The following MAN2A1 variants were observed in gnomAD, a reference collection of about 807,000 sequenced individuals.
MAN2A1 encodes the protein mannosidase alpha class 2A member 1.
In MAN2A1, 76 loss-of-function variants were observed where a neutral mutation model predicts 142.6. The ratio of observed to expected loss-of-function variants is 0.53; its 90% CI spans 0.44 to 0.65. The LOEUF (loss-of-function observed/expected upper bound fraction) is 0.65. Ranked by LOEUF, MAN2A1 falls within the 30% of genes least tolerant of loss-of-function variation. MAN2A1 has a pLI of 0.00. For synonymous variants in MAN2A1, 559 were observed against 473.2 expected, an observed-to-expected ratio of 1.18 and a Z score of -2.35; for missense variants, 1,311 against 1,365.1, an observed-to-expected ratio of 0.96 and a Z score of 0.62.
rs561654608 is a variant in MAN2A1, at chr5:109,832,458, A to C, written c.2566+8621A>C. On this transcript the variant is annotated intron_variant, in intron 16 of 21. Coordinates refer to ENST00000261483, the MANE Select transcript of MAN2A1 (RefSeq NM_002372.4). ...TTAATCCATTTAACCCTGAGTGGAC[A>C]CAGCACATGTTTCAGAGAGCAAGGG... 6.4e-3 allele frequency among the ~76,000 whole-genome samples: 970 copies of C among 152,242 alleles called. 12 individuals carry two copies. Among genetic ancestry groups the C allele is most frequent in the Non-Finnish European group, 8.0e-3 (543 of 68,008 alleles).
intron 1 of MAN2A1, among the ~76,000 whole-genome samples, chr5:109,694,258 G>C (rs1177505946): frequency 6.6e-6 from 1 of 152,172 alleles, no homozygotes; most frequent in Non-Finnish European, 1.5e-5. Flanking sequence ...TTTTGCCTAT[G>C]TAACATTTAT....
chr5:109,867,936 C>T lies in MAN2A1; in HGVS notation c.*938C>T, dbSNP rs1344527547. ...GAGAGGGTGGGTACTTTCTATGACACATAAATTGTGTAATTTTTGCCTGAC... is the reference window on the plus strand; with the variant it reads ...GAGAGGGTGGGTACTTTCTATGACATATAAATTGTGTAATTTTTGCCTGAC... On this transcript the variant is annotated 3_prime_UTR_variant, in exon 22 of 22. Transcript: ENST00000261483. The T allele has an allele frequency of 6.6e-6, 1 of 152,082 alleles. No individual in the cohort carries two copies. Among genetic ancestry groups the T allele is most frequent in the Non-Finnish European group, 1.5e-5 (1 of 68,000 alleles). 9.4% of individuals were successfully genotyped at this position (152,082 alleles called of 1,614,324 possible).
intron 8 of MAN2A1, among the ~76,000 whole-genome samples, chr5:109,777,201 T>G (rs1753317579): frequency 6.6e-6 from 1 of 152,170 alleles, no homozygotes; most frequent in African/African-American, 2.4e-5. Flanking sequence ...AATTGTGTTG[T>G]ACAAGAGGTT....
At chr5:109,758,808 A>G (rs1018730816) in intron 5 of MAN2A1, among the ~76,000 whole-genome samples, 7 of 151,396 alleles carry the variant, frequency 4.6e-5, no homozygotes, top group Admixed American at 1.3e-4. Flanking sequence ...TTTTTTTTGC[A>G]TGTTGATACC....
At chr5:109,805,477 T>G (rs1754140976) in intron 12 of MAN2A1, among the ~76,000 whole-genome samples, 1 of 152,234 alleles carries the variant, frequency 6.6e-6, no homozygotes. Context: ...AGTTTTAAGT[T>G]GCATTTGCAA....
At chr5:109,800,693 C>A (rs142558057) in intron 12 of MAN2A1, among the ~76,000 whole-genome samples, 15 of 152,166 alleles carry the variant, frequency 9.9e-5, no homozygotes, top group Middle Eastern at 3.4e-3. Context: ...CTGGTAAATT[C>A]TGGGATTTTA....
chr5:109,734,892 T>G (rs1233278682), intron 4 of MAN2A1, among the ~76,000 whole-genome samples: 2 of 152,228 alleles, frequency 1.3e-5, no homozygotes, highest in African/African-American at 2.4e-5. Context: ...TAGGTCCACT[T>G]GGTGCAGAGC....
chr5:109,726,355 T>A (rs1007508014), intron 3 of MAN2A1, among the ~76,000 whole-genome samples: 3 of 152,216 alleles, frequency 2.0e-5, no homozygotes, highest in African/African-American at 7.2e-5. Flanking sequence ...AATACTTGAT[T>A]ACTCTGTTGT....
At chr5:109,774,514 C>T (rs1172223579) in intron 7 of MAN2A1, among the ~76,000 whole-genome samples, 1 of 151,798 alleles carries the variant, frequency 6.6e-6, no homozygotes, top group African/African-American at 2.4e-5. Context: ...GGTACATGAC[C>T]ATATTTCTCC....
At chr5:109,732,510 T>G (rs983460849) in intron 4 of MAN2A1, among the ~76,000 whole-genome samples, 11 of 152,328 alleles carry the variant, frequency 7.2e-5, no homozygotes, top group Non-Finnish European at 1.3e-4. Context: ...AACGTTTAAG[T>G]CTTTAATCCA....
At chr5:109,766,618 G>T (rs1258938594) in intron 5 of MAN2A1, among the ~76,000 whole-genome samples, 1 of 152,012 alleles carries the variant, frequency 6.6e-6, no homozygotes, top group East Asian at 1.9e-4. Context: ...CTAGAGTCAA[G>T]ATCTAATTTA....
chr5:109,735,365 T>C (rs916304939), intron 4 of MAN2A1, among the ~76,000 whole-genome samples: 2 of 152,166 alleles, frequency 1.3e-5, no homozygotes, highest in African/African-American at 4.8e-5. Flanking sequence ...GCATTTAGTC[T>C]ATTTACATTT....
chr5:109,746,501 CAT>C (rs1561490836), intron 4 of MAN2A1, among the ~76,000 whole-genome samples: 2 of 150,404 alleles, frequency 1.3e-5, no homozygotes, highest in African/African-American at 4.9e-5. Context: ...TATGGGAAAA[CAT>C]ATGCACATGT....
intron 4 of MAN2A1, among the ~76,000 whole-genome samples, chr5:109,735,791 A>G (rs1482464763): frequency 6.6e-6 from 1 of 152,164 alleles, no homozygotes; most frequent in East Asian, 1.9e-4. Flanking sequence ...TCCATCAAAA[A>G]AGTAATCTTT....
intron 1 of MAN2A1, chr5:109,699,892 T>C (rs1199600994): frequency 6.6e-6 from 1 of 152,256 alleles, no homozygotes; most frequent in Non-Finnish European, 1.5e-5. Context: ...TACATAGTGT[T>C]TTCAATTTTA....
At chr5:109,745,680 A>G (rs1342937530) in intron 4 of MAN2A1, among the ~76,000 whole-genome samples, 2 of 152,256 alleles carry the variant, frequency 1.3e-5, no homozygotes, top group Non-Finnish European at 2.9e-5. Context: ...GTGCAGTGGT[A>G]CTATCATAGC....
intron 6 of MAN2A1, among the ~76,000 whole-genome samples, chr5:109,768,894 T>C (rs534298695): frequency 6.6e-6 from 1 of 152,262 alleles, no homozygotes; most frequent in South Asian, 2.1e-4. Context: ...TAAATATCAG[T>C]TAGTATGAAA....
intron 19 of MAN2A1, among the ~76,000 whole-genome samples, chr5:109,851,167 CAG>C (rs1487835436): frequency 1.3e-5 from 2 of 152,172 alleles, no homozygotes; most frequent in Non-Finnish European, 2.9e-5. Context: ...GAGAATTCTG[CAG>C]AGAGTCAGTA....
intron 8 of MAN2A1, among the ~76,000 whole-genome samples, chr5:109,780,542 G>GTA (rs1178056118): frequency 1.3e-5 from 2 of 150,920 alleles, no homozygotes; most frequent in Non-Finnish European, 2.9e-5. Context: ...GTGTGTGTGT[G>GTA]TGTGTGTATG....
Sources: allele counts gnomAD v4.1 joint callset (sites outside exome capture counted in the v4.1 genomes callset), GRCh38; gene constraint gnomAD v4.1.1; transcripts MANE v1.5; gene names NCBI Gene and HGNC (gene_info 2026-07-23, HGNC 2026-07-21).